Variants in VWA3B observed in about 807,000 individuals in gnomAD.
VWA3B encodes the protein von Willebrand factor A domain containing 3B.
A neutral mutation model predicts 158.3 loss-of-function variants in VWA3B; 138 were observed. That is an observed-to-expected ratio of 0.87 (90% CI 0.76 to 1.00). The LOEUF is 1.00. VWA3B is among the 50% of genes least tolerant of loss of function. The pLI, the probability that VWA3B is intolerant of heterozygous loss-of-function variation, is 0.00. For missense variants in VWA3B, 1,555 were observed against 1,565.1 expected (o/e 0.99, Z 0.11); for synonymous variants, 596 against 587.3 (o/e 1.01, Z -0.21).
chr2:98,128,217 C>G (rs376077488), intron 5 of VWA3B, 22 bp from the exon 6 acceptor site: 15 of 1,612,182 alleles, frequency 9.3e-6, no homozygotes, highest in African/African-American at 1.3e-5. Flanking sequence ...GGAGATAAAC[C>G]GTTGGCACCA....
At chr2:98,276,957 G>A (rs1363936322) in intron 22 of VWA3B, among the ~76,000 whole-genome samples, 14 of 152,192 alleles carry the variant, frequency 9.2e-5, no homozygotes, top group Admixed American at 9.2e-4. Flanking sequence ...CCAGCGGTGG[G>A]AAGGAGACAC....
chr2:98,279,084 A>G lies in VWA3B; in HGVS notation c.3045+8201A>G, dbSNP rs530947278. ...TGAAGCTGAAATCCCAGAGGCAGTG[A>G]GAGGATGACAAAGAGAAAATGAAGC... On this transcript the variant is annotated intron_variant, in intron 22 of 27. Transcript: ENST00000477737. Among the ~76,000 whole-genome samples, 7 of 151,074 alleles carry G rather than the reference A, an allele frequency of 4.6e-5. No homozygotes were observed. The South Asian group carries it at 1.5e-3, about 31-fold the overall frequency.
At chr2:98,203,257 T>G (rs1682732391) in intron 12 of VWA3B, among the ~76,000 whole-genome samples, 1 of 152,236 alleles carries the variant, frequency 6.6e-6, no homozygotes, top group East Asian at 1.9e-4. Flanking sequence ...CTGCAGGTCT[T>G]TGTATGGGTT....
At chr2:98,292,820 C>A (rs1029356447) in intron 23 of VWA3B, among the ~76,000 whole-genome samples, 3 of 151,748 alleles carry the variant, frequency 2.0e-5, no homozygotes, top group Non-Finnish European at 4.4e-5. Flanking sequence ...CAGAATTAGC[C>A]GGACGTGGTG....
intron 26 of VWA3B, among the ~76,000 whole-genome samples, chr2:98,309,452 G>C (rs997155466): frequency 6.6e-6 from 1 of 152,090 alleles, no homozygotes; most frequent in East Asian, 1.9e-4. Context: ...GGCCAGGTGG[G>C]GTTTGTCTGG....
chr2:98,177,667 C>T (rs917030379), intron 8 of VWA3B, among the ~76,000 whole-genome samples: 16 of 151,814 alleles, frequency 1.1e-4, no homozygotes, highest in East Asian at 1.9e-4. Flanking sequence ...GTGGCTCTGG[C>T]GGCTTGCCTG....
intron 22 of VWA3B, among the ~76,000 whole-genome samples, chr2:98,279,798 C>G (rs1035739336): frequency 1.3e-5 from 2 of 152,042 alleles, no homozygotes; most frequent in Non-Finnish European, 2.9e-5. Context: ...TGCCTCAAGA[C>G]AGCAAAAATT....
chr2:98,102,742 G>T (rs886596690), intron 2 of VWA3B, among the ~76,000 whole-genome samples: 2 of 152,196 alleles, frequency 1.3e-5, no homozygotes, highest in Non-Finnish European at 2.9e-5. Context: ...GACTCAAAAT[G>T]ATTTGGAAGT....
At chr2:98,292,245 A>G (rs966851561) in intron 23 of VWA3B, 1 of 152,178 alleles carries the variant, frequency 6.6e-6, no homozygotes, top group Non-Finnish European at 1.5e-5. Context: ...CTCATAAAAA[A>G]AGATTACGTT....
rs377553819 is a variant in VWA3B at position 98,158,518 on chromosome 2, G to T, written c.989-4333G>T. 8.5e-5 allele frequency among the ~76,000 whole-genome samples: 13 copies of T among 152,298 alleles called. No homozygotes were observed. In the East Asian group the frequency reaches 1.2e-3, roughly 14 times the overall value. ...GCACAGAATGATGTCACCATCACAG[G>T]CTTCTAGTTCTTTGTGTTCTTGGGA... is the stretch of plus-strand genomic sequence containing the variant. On this transcript the variant is annotated intron_variant, in intron 7 of 27. Coordinates refer to ENST00000477737, the MANE Select transcript of VWA3B (RefSeq NM_144992.5).
the VWA3B span, among the ~76,000 whole-genome samples, chr2:98,322,600 G>A: frequency 6.6e-6 from 1 of 152,204 alleles, no homozygotes; most frequent in Admixed American, 6.5e-5. Context: ...CACAGGGAAA[G>A]GTCTGTGTGT....
intron 12 of VWA3B, among the ~76,000 whole-genome samples, chr2:98,199,480 A>C (rs1682344605): frequency 6.6e-6 from 1 of 152,214 alleles, no homozygotes; most frequent in Admixed American, 6.5e-5. Context: ...CCAGAGCATC[A>C]GCATTTTCTT....
intron 19 of VWA3B, among the ~76,000 whole-genome samples, chr2:98,245,853 C>T (rs959410886): frequency 2.6e-5 from 4 of 152,016 alleles, no homozygotes; most frequent in South Asian, 2.1e-4. Flanking sequence ...AGCTCTATTT[C>T]GAGAGATGAT....
chr2:98,214,444 T>C (rs2105571703), intron 13 of VWA3B, among the ~76,000 whole-genome samples: 1 of 152,314 alleles, frequency 6.6e-6, no homozygotes, highest in East Asian at 1.9e-4. Flanking sequence ...TTCTAATGCA[T>C]TCTTTTCTAC....
At position 98,312,404 on chromosome 2, in the gene VWA3B, A is replaced by G; in HGVS notation, c.*55A>G. Reference sequence around the variant, plus strand: ...ACCAGCGTCCTTCCAGGCTGTTCAGACCTCAGCGTTGACACTGAAACTGGC... The same window carrying G: ...ACCAGCGTCCTTCCAGGCTGTTCAGGCCTCAGCGTTGACACTGAAACTGGC... On this transcript the variant is annotated 3_prime_UTR_variant, in exon 28 of 28. Transcript: ENST00000477737. 6.5e-7 allele frequency: 1 copy of G among 1,548,160 alleles called. No individual in the cohort carries two copies.
At chr2:98,322,015 G>A in the VWA3B span, among the ~76,000 whole-genome samples, 41 of 152,098 alleles carry the variant, frequency 2.7e-4, no homozygotes, top group Non-Finnish European at 5.0e-4. Context: ...TTCATAAAGG[G>A]GAGTTCCCTG....
Position 98,306,840 on chromosome 2 carries a change from G to A in VWA3B, c.3521+3038G>A, listed in dbSNP as rs116298665. ...ATGGTGGAAGTCTTCATTGACTCTC[G>A]AGTCCCCCATTGTAATTTCTACTCT... On this transcript the variant is annotated intron_variant, in intron 26 of 27. Coordinates refer to ENST00000477737, the MANE Select transcript of VWA3B (RefSeq NM_144992.5). Among the ~76,000 whole-genome samples the A allele has an allele frequency of 7.8e-3, 1,187 of 152,106 alleles. 14 individuals carry two copies. Among genetic ancestry groups the A allele is most frequent in the African/African-American group, 0.027 (1,116 of 41,486 alleles).
intron 24 of VWA3B, among the ~76,000 whole-genome samples, chr2:98,299,188 C>T: frequency 6.6e-6 from 1 of 152,096 alleles, no homozygotes; most frequent in Non-Finnish European, 1.5e-5. Context: ...CCCTGCCCCC[C>T]AGACCTTGGT....
intron 7 of VWA3B, 43 bp downstream of exon 7, chr2:98,133,982 T>C (rs780597020): frequency 1.3e-5 from 20 of 1,533,024 alleles, no homozygotes; most frequent in Non-Finnish European, 1.8e-5. Context: ...ATGTCCCGAA[T>C]AGCCTCAGAC....
Sources: gnomAD v4.1 joint callset for allele counts (sites outside exome capture counted in the v4.1 genomes callset) on GRCh38, gnomAD v4.1.1 for gene constraint, MANE v1.5 for transcripts, NCBI Gene and HGNC (gene_info 2026-07-23, HGNC 2026-07-21) for gene names.